TNRC6B: variants seen among roughly 807,000 people sequenced by gnomAD.
TNRC6B encodes the protein trinucleotide repeat-containing gene 6B protein.
A neutral mutation model predicts 203.6 loss-of-function variants in TNRC6B; 52 were observed. That is an observed-to-expected ratio of 0.26 (90% CI 0.20 to 0.32). The LOEUF is 0.32. Ranked by LOEUF, TNRC6B falls within the 10% of genes least tolerant of loss-of-function variation. TNRC6B has a pLI of 1.00. For missense variants in TNRC6B, 1,923 were observed against 2,286.2 expected, an observed-to-expected ratio of 0.84 and a Z score of 3.24; for synonymous variants, 838 against 845.7, an observed-to-expected ratio of 0.99 and a Z score of 0.16.
chr22:40,127,661 C>A (rs2068505068), intron 3 of TNRC6B, among the ~76,000 whole-genome samples: 1 of 152,130 alleles, frequency 6.6e-6, no homozygotes, highest in Non-Finnish European at 1.5e-5. Flanking sequence ...TGCTTGAGCT[C>A]AAGACTTCGA....
chr22:40,197,169 A>G (rs1016133671), intron 1 of TNRC6B, among the ~76,000 whole-genome samples: 1 of 152,106 alleles, frequency 6.6e-6, no homozygotes, highest in Non-Finnish European at 1.5e-5. Context: ...TGCTGGCTTT[A>G]TGGTGTCCTC....
intron 3 of TNRC6B, among the ~76,000 whole-genome samples, chr22:40,136,673 T>C (rs751433068): frequency 3.3e-5 from 5 of 151,858 alleles, no homozygotes; most frequent in Non-Finnish European, 7.4e-5. Flanking sequence ...CCTCCGAAAG[T>C]GTTGAGATTA....
At chr22:40,059,815 GTTTT>G (rs764365612) in intron 1 of TNRC6B, among the ~76,000 whole-genome samples, 25 of 126,160 alleles carry the variant, frequency 2.0e-4, no homozygotes, top group African/African-American at 6.2e-4. Context: ...ATAGAGTTTG[GTTTT>G]TTTTTTTTTT....
At chr22:40,071,583 A>G (rs1215924889) in intron 1 of TNRC6B, among the ~76,000 whole-genome samples, 1 of 152,226 alleles carries the variant, frequency 6.6e-6, no homozygotes, top group African/African-American at 2.4e-5. Context: ...GTATAAAGGA[A>G]AAGCAGAAGT....
At position 40,262,065 on chromosome 22, in the gene TNRC6B, C is replaced by G; in HGVS notation, c.349C>G (p.Leu117Val). The change falls in exon 4 of 23, where the codon CTC (leucine) becomes GTC (valine). Residue 117 changes from leucine (L) to valine (V), a missense_variant. By Grantham distance (32) the Leu-to-Val change is conservative. Coordinates refer to ENST00000454349, the MANE Select transcript of TNRC6B (RefSeq NM_001162501.2). ...RGQPPPPSCM[L>V]LGGGAGPPPC... is the part of the protein sequence containing the mutation. Reference sequence around the variant, plus strand: ...GCAGCCCCCTCCACCGTCCTGCATGCTCCTTGGGGGTGGGGCAGGGCCTCC... The same window carrying G: ...GCAGCCCCCTCCACCGTCCTGCATGGTCCTTGGGGGTGGGGCAGGGCCTCC... The G allele has an allele frequency of 6.3e-7, 1 of 1,585,132 alleles. No individual in the cohort carries two copies. The highest frequency in any genetic ancestry group is 8.6e-7 in the Non-Finnish European group (1 of 1,160,180).
At position 40,326,428 on chromosome 22, in the gene TNRC6B, T is replaced by G. The variant is rs1236386658; in HGVS notation, c.*3187T>G. The G allele has an allele frequency of 2.6e-5, 4 of 152,654 alleles. No homozygotes were observed. Among genetic ancestry groups the G allele is most frequent in the Non-Finnish European group, 5.9e-5 (4 of 68,046 alleles). 9.5% of individuals were successfully genotyped at this position (152,654 alleles called of 1,614,324 possible). On this transcript the variant is annotated 3_prime_UTR_variant, in exon 23 of 23. Coordinates refer to ENST00000454349, the MANE Select transcript of TNRC6B (RefSeq NM_001162501.2). ...AATTTAGCAGCAACAGGTAAATTCA[T>G]TATCTTAAAAATATGGGAGAAGGAT...
intron 3 of TNRC6B, among the ~76,000 whole-genome samples, chr22:40,144,708 C>G (rs1364635502): frequency 6.7e-6 from 1 of 149,120 alleles, no homozygotes; most frequent in Non-Finnish European, 1.5e-5. Flanking sequence ...AACTCTTGAT[C>G]AGTGTAACAA....
At chr22:40,084,877 T>C (rs1350932458) in intron 1 of TNRC6B, among the ~76,000 whole-genome samples, 1 of 152,234 alleles carries the variant, frequency 6.6e-6, no homozygotes, top group African/African-American at 2.4e-5. Context: ...CTTGGTGTGC[T>C]AGCCAGCCTC....
At chr22:40,125,842 T>A (rs2068487633) in exon 3 of TNRC6B, 1 of 1,612,566 alleles carries the variant, frequency 6.2e-7, no homozygotes, top group Admixed American at 1.7e-5. Context: ...GGGAGAAGTA[T>A]CGGAAGAAAG....
At chr22:40,106,504 C>T in intron 1 of TNRC6B, 1 of 739,722 alleles carries the variant, frequency 1.4e-6, no homozygotes, top group Non-Finnish European at 2.5e-6. Context: ...ATCAGATCCT[C>T]CAGCAGATGA....
At chr22:40,090,326 A>G (rs1416837771) in intron 1 of TNRC6B, among the ~76,000 whole-genome samples, 2 of 151,808 alleles carry the variant, frequency 1.3e-5, no homozygotes, top group African/African-American at 2.4e-5. Context: ...CTGTTTCTCC[A>G]TGTCGTTACC....
At chr22:40,172,383 GCA>G (rs1473213351) in intron 4 of TNRC6B, among the ~76,000 whole-genome samples, 3 of 152,180 alleles carry the variant, frequency 2.0e-5, no homozygotes, top group Non-Finnish European at 2.9e-5. Context: ...CTAGCACTTA[GCA>G]CAGAGTCTGA....
chr22:40,123,131 G>C (rs2068459648), intron 2 of TNRC6B, among the ~76,000 whole-genome samples: 1 of 152,134 alleles, frequency 6.6e-6, no homozygotes, highest in Admixed American at 6.5e-5. Flanking sequence ...GAGAAGGTAA[G>C]ACTTGGGCCT....
chr22:40,169,829 TATC>T (rs1312174782), intron 4 of TNRC6B, among the ~76,000 whole-genome samples: 1 of 152,198 alleles, frequency 6.6e-6, no homozygotes, highest in Non-Finnish European at 1.5e-5. Flanking sequence ...GGTACTCACA[TATC>T]ATATTAAATA....
intron 12 of TNRC6B, among the ~76,000 whole-genome samples, chr22:40,288,913 A>C (rs2070830049): frequency 7.0e-6 from 1 of 142,776 alleles, no homozygotes; most frequent in Non-Finnish European, 1.5e-5. Context: ...TCCTGGGTTC[A>C]AGTGATTCTT....
At chr22:40,202,260 G>GTTTTTTT (rs200101424) in intron 1 of TNRC6B, among the ~76,000 whole-genome samples, 1 of 129,778 alleles carries the variant, frequency 7.7e-6, no homozygotes, top group Non-Finnish European at 1.7e-5. Context: ...TTGTTTTTTT[G>GTTTTTTT]TTTTTTTTTT....
intron 1 of TNRC6B, among the ~76,000 whole-genome samples, chr22:40,245,689 C>G (rs2070097226): frequency 1.3e-5 from 2 of 150,290 alleles, no homozygotes; most frequent in East Asian, 2.0e-4. Context: ...CAAATCAGGT[C>G]CTTTGCTGAG....
chr22:40,063,026 A>G (rs1418614588), intron 1 of TNRC6B, among the ~76,000 whole-genome samples: 1 of 151,866 alleles, frequency 6.6e-6, no homozygotes, highest in Non-Finnish European at 1.5e-5. Flanking sequence ...ATCTAATTCT[A>G]TATTTTCTTC....
intron 19 of TNRC6B, among the ~76,000 whole-genome samples, chr22:40,314,817 A>G (rs761561262): frequency 1.8e-4 from 27 of 152,250 alleles, no homozygotes; most frequent in Admixed American, 1.3e-3. Flanking sequence ...TAAAGAATCT[A>G]TGTGAACATC....
Sources: gnomAD v4.1 joint callset for allele counts (sites outside exome capture counted in the v4.1 genomes callset) on GRCh38, gnomAD v4.1.1 for gene constraint, MANE v1.5 for transcripts, NCBI Gene and HGNC (gene_info 2026-07-23, HGNC 2026-07-21) for gene names.